Variants in DNAH5 observed in about 807,000 individuals in gnomAD.
DNAH5 encodes the protein dynein axonemal heavy chain 5.
Under a neutral mutation model 518.2 loss-of-function variants are expected in DNAH5, and 372 were observed. The observed-to-expected ratio is 0.72, with a 90% CI of 0.66 to 0.78. DNAH5 has a LOEUF of 0.78. Ranked by LOEUF, DNAH5 falls within the 30% of genes least tolerant of loss-of-function variation. The pLI, the probability that DNAH5 is intolerant of heterozygous loss-of-function variation, is 0.00. For synonymous variants in DNAH5, 2,039 were observed against 2,025.9 expected (o/e 1.01, Z -0.17); for missense variants, 5,523 against 5,687.0 (o/e 0.97, Z 0.93).
In DNAH5 at chr5:13,714,491, C is replaced by T. The variant is rs1377305047; in HGVS notation, c.13039G>A (p.Gly4347Arg). The T allele has an allele frequency of 3.1e-6, 5 of 1,614,182 alleles. No individual in the cohort carries two copies. In the Admixed American group the frequency reaches 6.7e-5, roughly 22 times the overall value. ...LGIQPKDTSG[G>R]GDETREAVVA... Reference sequence around the variant, plus strand: ...ACCGCCTCCCGGGTCTCATCCCCTCCACCAGAGGTGTCCTTGGGTTGGATG... The same window carrying T: ...ACCGCCTCCCGGGTCTCATCCCCTCTACCAGAGGTGTCCTTGGGTTGGATG... Residue 4347 changes from glycine (G) to arginine (R), a missense_variant, in exon 75 of 79, where the codon GGA becomes AGA. This residue lies in a region of DNAH5 where 387 missense variants were observed against 430.0 expected (regional missense o/e 0.90). Coordinates refer to ENST00000265104, the MANE Select transcript of DNAH5 (RefSeq NM_001369.3).
At chr5:13,967,125 G>A (rs1561018320) in intron 1 of DNAH5, among the ~76,000 whole-genome samples, 1 of 152,204 alleles carries the variant, frequency 6.6e-6, no homozygotes, top group Non-Finnish European at 1.5e-5. Context: ...GCCTCCCAAA[G>A]TCCTGGAATT....
chr5:13,982,412 T>A (rs899128611), intron 1 of DNAH5, among the ~76,000 whole-genome samples: 1 of 151,758 alleles, frequency 6.6e-6, no homozygotes, highest in Non-Finnish European at 1.5e-5. Flanking sequence ...ATATGCACTA[T>A]TGCATGAGTG....
At chr5:13,794,311 C>T (rs1660647879) in intron 47 of DNAH5, among the ~76,000 whole-genome samples, 2 of 152,204 alleles carry the variant, frequency 1.3e-5, no homozygotes, top group South Asian at 4.1e-4. Flanking sequence ...TGGGATGAGA[C>T]TCGTCTGTCC....
intron 1 of DNAH5, among the ~76,000 whole-genome samples, chr5:13,936,602 T>C (rs1778942134): frequency 6.6e-6 from 1 of 152,158 alleles, no homozygotes; most frequent in Admixed American, 6.6e-5. Flanking sequence ...AAGTCCCAAC[T>C]TGAAAGAGGT....
rs1301926240 is a variant in DNAH5, at chr5:13,917,275, A to T, written c.976-19T>A. On this transcript the variant is annotated intron_variant, in intron 7 of 78. Transcript: ENST00000265104. ...GCCAAGTCTAAGCACAATAGGGAAA[A>T]GCAATTTTAATGTAATTATTAATAG... 1 of 1,576,564 alleles carries T rather than the reference A, an allele frequency of 6.3e-7. No individual in the cohort carries two copies. The highest frequency in any genetic ancestry group is 8.7e-7 in the Non-Finnish European group (1 of 1,146,482).
intron 54 of DNAH5, among the ~76,000 whole-genome samples, chr5:13,776,907 G>A (rs1408997151): frequency 6.6e-6 from 1 of 152,144 alleles, no homozygotes; most frequent in Admixed American, 6.5e-5. Flanking sequence ...TGTAGCCCCG[G>A]AAAGGAGTAA....
At chr5:13,864,302 T>A in intron 28 of DNAH5, 95 bp downstream of exon 28, 2 of 1,527,574 alleles carry the variant, frequency 1.3e-6, no homozygotes, top group Non-Finnish European at 1.8e-6. Context: ...TTCAATTGTC[T>A]GAGTGTAGTT....
intron 19 of DNAH5, among the ~76,000 whole-genome samples, chr5:13,883,371 C>G (rs981009992): frequency 2.6e-5 from 4 of 152,042 alleles, no homozygotes; most frequent in African/African-American, 9.7e-5. Flanking sequence ...ATTATAAACA[C>G]TTCTGTAAAA....
intron 69 of DNAH5, among the ~76,000 whole-genome samples, chr5:13,729,164 A>C (rs1746161246): frequency 6.6e-6 from 1 of 152,198 alleles, no homozygotes. Flanking sequence ...CAGTTTTTCT[A>C]CTTGTGGACA....
intron 22 of DNAH5, among the ~76,000 whole-genome samples, chr5:13,872,502 G>C (rs1158109198): frequency 6.6e-6 from 1 of 152,006 alleles, no homozygotes; most frequent in East Asian, 1.9e-4. Context: ...ATGTTTCTAG[G>C]TATTTTTCAA....
At chr5:13,974,050 A>G (rs1782058715) in intron 1 of DNAH5, among the ~76,000 whole-genome samples, 1 of 151,952 alleles carries the variant, frequency 6.6e-6, no homozygotes, top group South Asian at 2.1e-4. Flanking sequence ...TTAGTTTGCT[A>G]TGCACAGGTA....
chr5:13,715,746 C>T (rs1744204886), intron 74 of DNAH5, among the ~76,000 whole-genome samples: 1 of 152,214 alleles, frequency 6.6e-6, no homozygotes, highest in Non-Finnish European at 1.5e-5. Context: ...TATTCCCAAA[C>T]TGCCTGTAGA....
At chr5:13,861,987 T>G (rs1580637751) in intron 29 of DNAH5, among the ~76,000 whole-genome samples, 2 of 136,708 alleles carry the variant, frequency 1.5e-5, no homozygotes, top group Admixed American at 1.5e-4. Flanking sequence ...CAAGTTCAAA[T>G]GTACCCCATA....
At chr5:13,786,446 T>G (rs1312553930) in intron 51 of DNAH5, 95 bp from the exon 52 acceptor site, 1 of 1,229,684 alleles carries the variant, frequency 8.1e-7, no homozygotes, top group African/African-American at 1.5e-5. Context: ...AACCTAACAC[T>G]GAATAACATT....
intron 68 of DNAH5, among the ~76,000 whole-genome samples, chr5:13,732,810 T>C (rs1746797690): frequency 6.6e-6 from 1 of 152,220 alleles, no homozygotes; most frequent in Admixed American, 6.5e-5. Context: ...TACAAACATT[T>C]GCACCATAAC....
intron 6 of DNAH5, among the ~76,000 whole-genome samples, chr5:13,919,764 C>T (rs1411129628): frequency 2.6e-5 from 4 of 152,112 alleles, no homozygotes; most frequent in Admixed American, 6.5e-5. Context: ...ATCATTTCTA[C>T]GTGTGGGTAA....
chr5:13,807,507 C>A (rs1251318830), intron 47 of DNAH5, 84 bp downstream of exon 47: 18 of 1,330,104 alleles, frequency 1.4e-5, no homozygotes, highest in South Asian at 2.5e-5. Context: ...AGATGAGATT[C>A]AATTGAAGCA....
At chr5:13,976,394 G>A (rs1269369715) in intron 1 of DNAH5, among the ~76,000 whole-genome samples, 1 of 152,108 alleles carries the variant, frequency 6.6e-6, no homozygotes. Flanking sequence ...CTCGTGCTGT[G>A]TCCCAGCCAG....
At position 13,859,569 on chromosome 5, in the gene DNAH5, C is replaced by G. The variant is rs77772342; in HGVS notation, c.4833G>C (p.Trp1611Cys). 5 of 1,613,816 alleles carry G rather than the reference C, an allele frequency of 3.1e-6. No individual in the cohort carries two copies. In the African/African-American group the frequency reaches 6.7e-5, roughly 22 times the overall value. Residue 1611 changes from tryptophan to cysteine, a missense_variant, in exon 30 of 79, where the codon TGG (tryptophan) becomes TGC (cysteine). By Grantham distance (215) the Trp-to-Cys change is radical. Coordinates refer to ENST00000265104, the MANE Select transcript of DNAH5 (RefSeq NM_001369.3). ...CTGTTGAGTTGGAAAGGTACTGCAC[C>G]CATTTTTGAATCTGGGCTTTGAATG... ...NMPFKAQIQK[W>C]VQYLSNSTDI...
Sources: gnomAD v4.1 joint callset for allele counts (sites outside exome capture counted in the v4.1 genomes callset) on GRCh38, gnomAD v4.1.1 for gene constraint, gnomAD v4.1.1 regional missense constraint, MANE v1.5 for transcripts, NCBI Gene and HGNC (gene_info 2026-07-23, HGNC 2026-07-21) for gene names.